The following SNX24 variants were observed in gnomAD, a reference collection of about 807,000 sequenced individuals.
The protein encoded by SNX24 is sorting nexin-24.
SNX24 carries 22 observed loss-of-function variants against 28.7 expected under a neutral mutation model. The observed-to-expected ratio is 0.77, with a 90% CI of 0.55 to 1.10. The LOEUF (loss-of-function observed/expected upper bound fraction) is 1.10. Among genes scored for constraint, SNX24 ranks in the 50% least tolerant of loss-of-function variants. The probability of loss-of-function intolerance (pLI) is 0.00; values close to 1 mark genes in which losing one functional copy is unlikely to be tolerated. For synonymous variants in SNX24, 69 were observed against 71.5 expected (o/e 0.96, Z 0.18); for missense variants, 221 against 201.1 (o/e 1.10, Z -0.60).
At chr5:122,980,052 A>G (rs75566432) in intron 3 of SNX24, among the ~76,000 whole-genome samples, 3,716 of 152,234 alleles carry the variant, frequency 0.024, 142 homozygotes, top group African/African-American at 0.071. Flanking sequence ...CCTTTTCCAC[A>G]CTCATTAAAT....
At chr5:122,878,516 G>A (rs940217494) in intron 1 of SNX24, among the ~76,000 whole-genome samples, 1 of 152,140 alleles carries the variant, frequency 6.6e-6, no homozygotes, top group Admixed American at 6.5e-5. Context: ...GTACTTCAAG[G>A]TCAAGGAATG....
intron 3 of SNX24, among the ~76,000 whole-genome samples, chr5:122,951,721 C>T (rs779294215): frequency 9.2e-5 from 14 of 152,226 alleles, no homozygotes; most frequent in African/African-American, 1.4e-4. Flanking sequence ...TAACAACCTT[C>T]GGGAAGATAG....
intron 1 of SNX24, among the ~76,000 whole-genome samples, chr5:122,926,809 C>T (rs556699783): frequency 4.6e-5 from 7 of 152,322 alleles, no homozygotes; most frequent in African/African-American, 1.2e-4. Flanking sequence ...CATCAGGCCT[C>T]ATCAGGAATC....
chr5:122,931,475 T>C (rs1318892417), intron 1 of SNX24, among the ~76,000 whole-genome samples: 1 of 152,166 alleles, frequency 6.6e-6, no homozygotes, highest in Non-Finnish European at 1.5e-5. Flanking sequence ...GAGATTCAAC[T>C]TTTTATAGTG....
chr5:122,996,633 G>A (rs972313351), intron 3 of SNX24, among the ~76,000 whole-genome samples: 1 of 152,190 alleles, frequency 6.6e-6, no homozygotes, highest in Non-Finnish European at 1.5e-5. Context: ...CGCTGATTGT[G>A]TATCAGAGAT....
downstream of SNX24, among the ~76,000 whole-genome samples, chr5:123,010,013 C>T (rs970415254): frequency 5.3e-5 from 8 of 152,146 alleles, no homozygotes; most frequent in Admixed American, 2.6e-4. Context: ...AATATAATGG[C>T]GATCTCTCTA....
At chr5:122,991,637 T>G (rs1182485308) in intron 3 of SNX24, among the ~76,000 whole-genome samples, 1 of 152,078 alleles carries the variant, frequency 6.6e-6, no homozygotes, top group Non-Finnish European at 1.5e-5. Context: ...TTTTTTGTAT[T>G]TTTAGTAGAG....
intron 3 of SNX24, among the ~76,000 whole-genome samples, chr5:122,958,037 C>G (rs1436128542): frequency 1.3e-5 from 2 of 152,014 alleles, no homozygotes; most frequent in African/African-American, 4.8e-5. Flanking sequence ...CCTAATTGCT[C>G]TGGCTTAAAC....
At chr5:122,903,678 G>A (rs1757533022) in intron 1 of SNX24, among the ~76,000 whole-genome samples, 1 of 152,114 alleles carries the variant, frequency 6.6e-6, no homozygotes, top group Admixed American at 6.5e-5. Context: ...GTTGAGTTTT[G>A]TTTCCTAATT....
At chr5:122,914,200 A>G (rs1758058142) in intron 1 of SNX24, among the ~76,000 whole-genome samples, 1 of 152,178 alleles carries the variant, frequency 6.6e-6, no homozygotes, top group Admixed American at 6.5e-5. Flanking sequence ...ATATACATTT[A>G]TTGATTTGCA....
intron 5 of SNX24, among the ~76,000 whole-genome samples, chr5:123,021,337 G>T (rs1442601582): frequency 1.3e-5 from 2 of 152,122 alleles, no homozygotes; most frequent in Non-Finnish European, 2.9e-5. Flanking sequence ...GTGAGTTAAT[G>T]AACGAGTCTG....
chr5:122,990,536 A>T (rs1761796692), intron 3 of SNX24, among the ~76,000 whole-genome samples: 1 of 152,190 alleles, frequency 6.6e-6, no homozygotes, highest in Non-Finnish European at 1.5e-5. Flanking sequence ...AGTTGGGGGA[A>T]TGTTTAAGGG....
chr5:122,888,169 AT>A (rs1216380553), intron 1 of SNX24, among the ~76,000 whole-genome samples: 2 of 151,834 alleles, frequency 1.3e-5, no homozygotes, highest in South Asian at 2.1e-4. Context: ...TATTATTTGC[AT>A]TTTTTTGATT....
chr5:122,853,355 C>A, intron 1 of SNX24, among the ~76,000 whole-genome samples: 1 of 152,060 alleles, frequency 6.6e-6, no homozygotes, highest in East Asian at 1.9e-4. Flanking sequence ...TCTCGATCTC[C>A]TGACCTTGTG....
chr5:122,945,782 T>C (rs1480513969), intron 2 of SNX24, among the ~76,000 whole-genome samples: 5 of 152,206 alleles, frequency 3.3e-5, no homozygotes, highest in African/African-American at 9.6e-5. Context: ...ATTAGGCTTT[T>C]AATTTTTCAG....
chr5:122,997,581 C>T (rs1360190363), intron 3 of SNX24, among the ~76,000 whole-genome samples: 2 of 152,154 alleles, frequency 1.3e-5, no homozygotes, highest in African/African-American at 4.8e-5. Context: ...GGCAAATAAA[C>T]AATTCACCTT....
At chr5:123,010,274 A>G (rs907180301), downstream of SNX24, among the ~76,000 whole-genome samples, 2 of 151,362 alleles carry the variant, frequency 1.3e-5, no homozygotes, top group Non-Finnish European at 2.9e-5. Flanking sequence ...AGGAATGCAC[A>G]TGGGAAAGAT....
chr5:123,014,498 G>A (rs17387972), intron 5 of SNX24, among the ~76,000 whole-genome samples: 1 of 151,836 alleles, frequency 6.6e-6, no homozygotes, highest in African/African-American at 2.4e-5. Context: ...AGACATGAAC[G>A]CTTAAATCAG....
intron 1 of SNX24, among the ~76,000 whole-genome samples, chr5:122,897,313 T>A (rs1207841855): frequency 3.3e-5 from 5 of 152,192 alleles, no homozygotes; most frequent in Non-Finnish European, 7.4e-5. Context: ...TTCTTTTTTT[T>A]ATTTTTAAAT....
Sources: allele counts gnomAD v4.1 joint callset (sites outside exome capture counted in the v4.1 genomes callset), GRCh38; gene constraint gnomAD v4.1.1; transcripts MANE v1.5; gene names NCBI Gene and HGNC (gene_info 2026-07-23, HGNC 2026-07-21).